The following WDR17 variants were observed in gnomAD, a reference collection of about 807,000 sequenced individuals.
The protein encoded by WDR17 is WD repeat-containing protein 17.
Under a neutral mutation model 161.7 loss-of-function variants are expected in WDR17, and 143 were observed. That is an observed-to-expected ratio of 0.88 (90% CI 0.77 to 1.02). The LOEUF is 1.02. WDR17 is among the 50% of genes least tolerant of loss of function. The probability of loss-of-function intolerance (pLI) is 0.00; values close to 1 mark genes in which losing one functional copy is unlikely to be tolerated. For missense variants in WDR17, 1,469 were observed against 1,520.9 expected (o/e 0.97, Z 0.57); for synonymous variants, 517 against 515.6 (o/e 1.00, Z -0.04).
chr4:176,071,147 T>A (rs1733178776), intron 1 of WDR17, among the ~76,000 whole-genome samples: 1 of 151,824 alleles, frequency 6.6e-6, no homozygotes, highest in Non-Finnish European at 1.5e-5. Flanking sequence ...GAGCAGTGAT[T>A]CTATTTATAA....
At chr4:176,109,882 T>C (rs186748343) in intron 1 of WDR17, among the ~76,000 whole-genome samples, 328 of 152,292 alleles carry the variant, frequency 2.2e-3, no homozygotes, top group African/African-American at 7.6e-3. Context: ...TGCAAAGCTT[T>C]TGAGCAGCAT....
chr4:176,073,295 C>T (rs1733487648), intron 1 of WDR17, among the ~76,000 whole-genome samples: 1 of 152,096 alleles, frequency 6.6e-6, no homozygotes, highest in South Asian at 2.1e-4. Flanking sequence ...TGATGTTCCC[C>T]TTACTATGTC....
intron 6 of WDR17, among the ~76,000 whole-genome samples, chr4:176,131,114 A>G (rs1020370598): frequency 3.3e-5 from 5 of 152,178 alleles, no homozygotes; most frequent in African/African-American, 4.8e-5. Context: ...TCTCAAAAAA[A>G]TTATTTTCAC....
chr4:176,077,313 C>A (rs866639006), intron 1 of WDR17, among the ~76,000 whole-genome samples: 16 of 152,052 alleles, frequency 1.1e-4, no homozygotes, highest in African/African-American at 3.6e-4. Context: ...GGTTTAATAG[C>A]TCTGTTACTT....
Position 176,129,674 on chromosome 4 carries a change from G to A in WDR17, c.913+814G>A, listed in dbSNP as rs185431855. Among the ~76,000 whole-genome samples the A allele has an allele frequency of 8.5e-5, 13 of 152,148 alleles. No individual in the cohort carries two copies. The East Asian group carries it at 1.2e-3, about 14-fold the overall frequency. Reference sequence around the variant, plus strand: ...ATAATATACCAAGTAATTAGCAATGGCTATTCAAAGTAATGTTATTTTGGT... The same window carrying A: ...ATAATATACCAAGTAATTAGCAATGACTATTCAAAGTAATGTTATTTTGGT... On this transcript the variant is annotated intron_variant, in intron 6 of 28. Coordinates refer to ENST00000508596, the MANE Select transcript of WDR17 (RefSeq NM_181265.4).
At chr4:176,147,702 A>C (rs189735271) in intron 12 of WDR17, among the ~76,000 whole-genome samples, 1 of 152,162 alleles carries the variant, frequency 6.6e-6, no homozygotes, top group Non-Finnish European at 1.5e-5. Context: ...AATTTTATTC[A>C]CATGTAACTA....
At position 176,119,980 on chromosome 4, in the gene WDR17, G is replaced by T; in HGVS notation, c.421G>T (p.Val141Leu). The change falls in exon 4 of 29, where the codon GTA becomes TTA. Residue 141 changes from valine (V) to leucine (L), a missense_variant. By Grantham distance (32) the Val-to-Leu change is conservative. Coordinates refer to ENST00000508596, the MANE Select transcript of WDR17 (RefSeq NM_181265.4). ...TISGPDSGVI[V>L]HKDAHSFLSD... ...CTCAGGACCAGATAGTGGAGTGATT[G>T]TACACAAAGATGCTCATAGCTTCTT... is the stretch of plus-strand genomic sequence containing the variant. 6.2e-7 allele frequency: 1 copy of T among 1,613,988 alleles called. No homozygotes were observed. The highest frequency in any genetic ancestry group is 8.5e-7 in the Non-Finnish European group (1 of 1,179,986).
At position 176,128,829 on chromosome 4, in the gene WDR17, A is replaced by G. The variant is rs971516282; in HGVS notation, c.882A>G (p.Leu294=). 2.5e-6 allele frequency: 4 copies of G among 1,592,952 alleles called. No individual in the cohort carries two copies. The highest frequency in any genetic ancestry group is 3.4e-6 in the Non-Finnish European group (4 of 1,172,108). ...TAAAGAAAACAGGATTTCACTGCTT[A>G]CATGTACTTAATTCTCCTCCAAGAA... The part of the protein sequence containing the change: ...LKLKKTGFHC[L]HVLNSPPRKK... The change falls in exon 6 of 29, where the codon TTA becomes TTG. Residue 294 remains leucine (L), a synonymous_variant. Transcript: ENST00000508596.
At position 176,125,174 on chromosome 4, in the gene WDR17, G is replaced by A. The variant is rs140742582; in HGVS notation, c.609G>A (p.Thr203=). The A allele has an allele frequency of 1.5e-4, 249 of 1,613,980 alleles. No homozygotes were observed. Among genetic ancestry groups the A allele is most frequent in the Non-Finnish European group, 1.9e-4 (230 of 1,180,008 alleles). The change falls in exon 5 of 29, where the codon ACG becomes ACA. Residue 203 remains threonine (T), a synonymous_variant. Transcript: ENST00000508596. ...LEGTDEEDPV[T]ALEWDPLSTD... is the part of the protein sequence containing the mutation. The stretch of plus-strand genomic sequence containing the variant: ...GGACAGATGAAGAGGATCCAGTTAC[G>A]GCCTTGGAATGGGACCCACTATCTA...
In WDR17 at chr4:176,148,414, T is replaced by G. The variant is rs747949912; in HGVS notation, c.1897+79T>G. The G allele has an allele frequency of 3.9e-6, 5 of 1,291,452 alleles. No homozygotes were observed. The South Asian group carries it at 6.8e-5, about 18-fold the overall frequency. The allele number at this position is 1,291,452 out of a possible 1,614,324, so 80.0% of individuals were successfully genotyped here. A position where few individuals can be genotyped will look rare whatever the true frequency, so the allele number is the denominator to read the frequency against. On this transcript the variant is annotated intron_variant, in intron 13 of 28. Transcript: ENST00000508596. ...CTTATAACTTCTGAGGAATACAGTA[T>G]TTTTGAAGAAGTTATACAGTGTTTT...
At position 176,102,618 on chromosome 4, in the gene WDR17, A is replaced by G. The variant is rs143862018; in HGVS notation, c.-6-8957A>G. Among the ~76,000 whole-genome samples the G allele has an allele frequency of 2.2e-4, 33 of 152,352 alleles. No homozygotes were observed. In the South Asian group the frequency reaches 5.4e-3, roughly 25 times the overall value. On this transcript the variant is annotated intron_variant, in intron 1 of 28. Coordinates refer to ENST00000508596, the MANE Select transcript of WDR17 (RefSeq NM_181265.4). Reference sequence around the variant, plus strand: ...AGTATGTCCTTCAGTAGACTGGTGGATAAATAAACTGTGCTACATCTAGAT... The same window carrying G: ...AGTATGTCCTTCAGTAGACTGGTGGGTAAATAAACTGTGCTACATCTAGAT...
At chr4:176,111,011 A>G (rs957864719) in intron 1 of WDR17, among the ~76,000 whole-genome samples, 1 of 152,128 alleles carries the variant, frequency 6.6e-6, no homozygotes. Context: ...TAGCTTATAT[A>G]CCTGTCTTAT....
intron 8 of WDR17, 39 bp from the exon 9 acceptor site, chr4:176,137,481 G>T: frequency 6.7e-7 from 1 of 1,495,312 alleles, no homozygotes; most frequent in South Asian, 1.2e-5. Context: ...ACATTTGTGG[G>T]AAACATTTAG....
At chr4:176,114,126 G>A (rs148601140) in intron 2 of WDR17, among the ~76,000 whole-genome samples, 1 of 152,078 alleles carries the variant, frequency 6.6e-6, no homozygotes, top group African/African-American at 2.4e-5. Flanking sequence ...TCTAAATAAT[G>A]TAGGTTTTTT....
At chr4:176,126,951 C>T (rs1157336471) in intron 5 of WDR17, among the ~76,000 whole-genome samples, 1 of 152,178 alleles carries the variant, frequency 6.6e-6, no homozygotes, top group African/African-American at 2.4e-5. Flanking sequence ...TGTAAGTTTC[C>T]TGAGGCCTCC....
At chr4:176,082,101 A>G (rs1734822147) in intron 1 of WDR17, among the ~76,000 whole-genome samples, 1 of 152,042 alleles carries the variant, frequency 6.6e-6, no homozygotes, top group South Asian at 2.1e-4. Flanking sequence ...ATCTTTAATA[A>G]CTGGCTTTAG....
chr4:176,133,258 TAA>T (rs199845273), intron 7 of WDR17, among the ~76,000 whole-genome samples: 131 of 96,704 alleles, frequency 1.4e-3, no homozygotes, highest in Middle Eastern at 0.011. Context: ...CTCCTCTCTC[TAA>T]AAAAAAAAAA....
At chr4:176,163,525 C>T (rs980288416) in intron 22 of WDR17, among the ~76,000 whole-genome samples, 2 of 152,008 alleles carry the variant, frequency 1.3e-5, no homozygotes, top group Non-Finnish European at 2.9e-5. Context: ...GTTGTAATTC[C>T]GTAGTGTTTC....
intron 16 of WDR17, 72 bp from the exon 17 acceptor site, chr4:176,151,740 A>G (rs375460407): frequency 1.4e-5 from 19 of 1,333,224 alleles, no homozygotes; most frequent in East Asian, 2.5e-5. Flanking sequence ...AAAATATGCA[A>G]CAAATTATTG....
Sources: gnomAD v4.1 joint callset for allele counts (sites outside exome capture counted in the v4.1 genomes callset) on GRCh38, gnomAD v4.1.1 for gene constraint, MANE v1.5 for transcripts, NCBI Gene and HGNC (gene_info 2026-07-23, HGNC 2026-07-21) for gene names.